The following ARSG variants were observed in gnomAD, a reference collection of about 807,000 sequenced individuals.
ARSG encodes the protein arylsulfatase G.
In ARSG, 37 loss-of-function variants were observed where a neutral mutation model predicts 50.5. The ratio of observed to expected loss-of-function variants is 0.73; its 90% CI spans 0.56 to 0.96. The LOEUF (loss-of-function observed/expected upper bound fraction) is 0.96. Among genes scored for constraint, ARSG ranks in the 50% least tolerant of loss-of-function variants. The pLI is 0.00. For missense variants in ARSG, 629 were observed against 675.3 expected (o/e 0.93, Z 0.76); for synonymous variants, 225 against 254.6 (o/e 0.88, Z 1.11).
chr17:68,353,574 C>T (rs979861517), intron 5 of ARSG, among the ~76,000 whole-genome samples: 3 of 152,184 alleles, frequency 2.0e-5, no homozygotes, highest in Admixed American at 6.5e-5. Flanking sequence ...GCATGAAAAG[C>T]GAGGCTATAG....
chr17:68,351,586 T>C lies in ARSG; in HGVS notation c.466T>C (p.Tyr156His). 2 of 1,610,950 alleles carry C rather than the reference T, an allele frequency of 1.2e-6. No individual in the cohort carries two copies. Among genetic ancestry groups the C allele is most frequent in the Non-Finnish European group, 1.7e-6 (2 of 1,177,132 alleles). The change falls in exon 5 of 12, where the codon TAC becomes CAC. Residue 156 changes from tyrosine to histidine, a missense_variant. Tyr to His is a moderately conservative substitution (Grantham distance 83). Transcript: ENST00000621439. ...YHPNFRGFDY[Y>H]FGIPYSHDMG... ...TGCTTCTATTCCAGGTTTTGATTAC[T>C]ACTTTGGAATCCCATATAGCCATGA... is the stretch of plus-strand genomic sequence containing the variant.
chr17:68,437,948 T>TA, the ARSG span, among the ~76,000 whole-genome samples: 18 of 78,800 alleles, frequency 2.3e-4, no homozygotes, highest in African/African-American at 7.1e-4. Flanking sequence ...ACATCTCTCT[T>TA]AAAAAAAAAA....
intron 9 of ARSG, among the ~76,000 whole-genome samples, chr17:68,391,046 A>G (rs779661531): frequency 6.6e-5 from 10 of 151,822 alleles, no homozygotes; most frequent in Non-Finnish European, 1.5e-4. Context: ...GAAGCTTTGA[A>G]GTATAGGTTT....
At chr17:68,273,783 A>G in intron 1 of ARSG, 1 of 1,024,936 alleles carries the variant, frequency 9.8e-7, no homozygotes, top group East Asian at 2.5e-5. Flanking sequence ...AGCTCAGTTC[A>G]AAACTACTGA....
intron 1 of ARSG, among the ~76,000 whole-genome samples, chr17:68,304,926 C>T (rs2076551807): frequency 6.6e-6 from 1 of 152,138 alleles, no homozygotes; most frequent in South Asian, 2.1e-4. Flanking sequence ...GTAATCCCAG[C>T]ACTTTGAGAG....
intron 2 of ARSG, among the ~76,000 whole-genome samples, chr17:68,310,190 C>T (rs1555766214): frequency 6.6e-6 from 1 of 152,074 alleles, no homozygotes; most frequent in Non-Finnish European, 1.5e-5. Context: ...AAACTCCCAA[C>T]CTCAGGTGAT....
the ARSG span, among the ~76,000 whole-genome samples, chr17:68,431,846 C>G: frequency 2.6e-5 from 4 of 152,264 alleles, no homozygotes; most frequent in African/African-American, 7.2e-5. Context: ...AACGGGAGAG[C>G]CTGGAGTGGA....
At chr17:68,265,796 A>C (rs1302263897) in intron 1 of ARSG, among the ~76,000 whole-genome samples, 1 of 147,122 alleles carries the variant, frequency 6.8e-6, no homozygotes, top group Non-Finnish European at 1.5e-5. Context: ...AAAAAAATAT[A>C]TTTCCTGTGT....
rs560980204 is a variant in ARSG, at chr17:68,352,111, G to C, written c.566+425G>C. Among the ~76,000 whole-genome samples the C allele has an allele frequency of 2.3e-4, 28 of 121,646 alleles. 2 individuals carry two copies. The highest frequency in any genetic ancestry group is 8.8e-4 in the African/African-American group (27 of 30,654). The allele number at this position is 121,646 out of a possible 152,430, so 79.8% of individuals were successfully genotyped here. On this transcript the variant is annotated intron_variant, in intron 5 of 11. Coordinates refer to ENST00000621439, the MANE Select transcript of ARSG (RefSeq NM_001267727.2). Reference sequence around the variant, plus strand: ...GAGGAGAGAGAGAGAGAGAGAGAGAGAGACAGAGGAGAGAGAGAGAGAGAG... The same window carrying C: ...GAGGAGAGAGAGAGAGAGAGAGAGACAGACAGAGGAGAGAGAGAGAGAGAG...
intron 2 of ARSG, among the ~76,000 whole-genome samples, chr17:68,328,310 T>C (rs1230517549): frequency 6.6e-6 from 1 of 152,174 alleles, no homozygotes; most frequent in Non-Finnish European, 1.5e-5. Flanking sequence ...TTACTTTATG[T>C]ACATCACCTT....
rs144744759 is a variant in ARSG at position 68,331,729 on chromosome 17, G to A, written c.219-11875G>A. On this transcript the variant is annotated intron_variant, in intron 2 of 11. Coordinates refer to ENST00000621439, the MANE Select transcript of ARSG (RefSeq NM_001267727.2). Reference sequence around the variant, plus strand: ...CCTTTTCTATTTTCCCTAAGTGTCAGCCAGTCTGAGAAATAAAGGGAAAGA... The same window carrying A: ...CCTTTTCTATTTTCCCTAAGTGTCAACCAGTCTGAGAAATAAAGGGAAAGA... 8.8e-3 allele frequency among the ~76,000 whole-genome samples: 1,334 copies of A among 152,268 alleles called. 11 individuals are homozygous for A. Among genetic ancestry groups the A allele is most frequent in the Non-Finnish European group, 0.012 (804 of 68,016 alleles).
At chr17:68,433,794 T>C in the ARSG span, among the ~76,000 whole-genome samples, 2 of 84,976 alleles carry the variant, frequency 2.4e-5, no homozygotes, top group Admixed American at 3.2e-4. Context: ...TTTTTTTTTT[T>C]TTTTGAGACA....
rs780264266 is a variant in ARSG at position 68,356,805 on chromosome 17, G to A, written c.704+1G>A. ...CAACCCAGTTCATCCAGCGTGCAAG[G>A]TGAGGAGTCTCCCTCCCTCCGCAGG... On this transcript the variant is annotated splice_donor_variant, in intron 6 of 11. Transcript: ENST00000621439. LOFTEE classifies it high-confidence loss of function. 8.1e-6 allele frequency: 13 copies of A among 1,614,066 alleles called. No individual in the cohort carries two copies. Among genetic ancestry groups the A allele is most frequent in the Admixed American group, 1.7e-5 (1 of 60,006 alleles).
At chr17:68,423,014 GA>G (rs2082909678), downstream of ARSG, among the ~76,000 whole-genome samples, 1 of 152,172 alleles carries the variant, frequency 6.6e-6, no homozygotes, top group African/African-American at 2.4e-5. The surrounding 1 kb of genome is among the most constrained non-coding windows in gnomAD (Gnocchi z 4.4). Context: ...GTTCTGAAAA[GA>G]TCACTAGTGA....
intron 1 of ARSG, among the ~76,000 whole-genome samples, chr17:68,263,174 T>G (rs1328428758): frequency 6.6e-6 from 1 of 152,210 alleles, no homozygotes; most frequent in Non-Finnish European, 1.5e-5. Flanking sequence ...GGGTGAGTTG[T>G]TACATGGAAA....
chr17:68,278,019 C>A, intron 1 of ARSG: 1 of 1,022,636 alleles, frequency 9.8e-7, no homozygotes, highest in South Asian at 1.4e-5. Context: ...ACATCGACTA[C>A]CATTACCAAG....
chr17:68,380,754 A>G (rs2080394690), intron 8 of ARSG, among the ~76,000 whole-genome samples: 1 of 152,098 alleles, frequency 6.6e-6, no homozygotes, highest in African/African-American at 2.4e-5. Flanking sequence ...CAGATTTTCA[A>G]CTGCTTGGGA....
rs111468104 is a variant in ARSG, at chr17:68,393,334, C to T, written c.1092-1739C>T. The stretch of plus-strand genomic sequence containing the variant: ...CCCACCCACCCTGTAACGCCCTGGA[C>T]GAGTCCGCCCTTTGTCCGGTGGATC... On this transcript the variant is annotated intron_variant, in intron 9 of 11. Transcript: ENST00000621439. Among the ~76,000 whole-genome samples the T allele has an allele frequency of 2.3e-3, 347 of 152,240 alleles. 3 individuals carry two copies. Among genetic ancestry groups the T allele is most frequent in the African/African-American group, 8.0e-3 (334 of 41,544 alleles).
At chr17:68,336,290 A>G (rs1861042015) in intron 2 of ARSG, among the ~76,000 whole-genome samples, 1 of 147,974 alleles carries the variant, frequency 6.8e-6, no homozygotes, top group Non-Finnish European at 1.5e-5. Flanking sequence ...GCTCACTGCA[A>G]CCTCCTTCTC....
Sources: gnomAD v4.1 joint callset for allele counts (sites outside exome capture counted in the v4.1 genomes callset) on GRCh38, gnomAD v4.1.1 for gene constraint, Gnocchi (gnomAD v3.1) non-coding constraint, MANE v1.5 for transcripts, NCBI Gene and HGNC (gene_info 2026-07-23, HGNC 2026-07-21) for gene names.